The following STIM1 variants were observed in gnomAD, a reference collection of about 807,000 sequenced individuals.
STIM1 encodes stromal interaction molecule 1.
A neutral mutation model predicts 74.7 loss-of-function variants in STIM1; 25 were observed. The observed-to-expected ratio is 0.33, with a 90% CI of 0.24 to 0.47. The LOEUF (loss-of-function observed/expected upper bound fraction) is 0.47. Ranked by LOEUF, STIM1 falls within the 20% of genes least tolerant of loss-of-function variation. The pLI is 1.00. For missense variants in STIM1, 728 were observed against 920.8 expected (o/e 0.79, Z 2.71); for synonymous variants, 328 against 348.8 (o/e 0.94, Z 0.66).
At chr11:4,034,557 CTT>C (rs1340753646) in intron 3 of STIM1, among the ~76,000 whole-genome samples, 23 of 152,006 alleles carry the variant, frequency 1.5e-4, no homozygotes, top group Non-Finnish European at 2.6e-4. Context: ...ATTTTTATGT[CTT>C]TGTTCATGAA....
intron 2 of STIM1, among the ~76,000 whole-genome samples, chr11:4,007,406 TGTGGGACA>T (rs1316481313): frequency 2.0e-5 from 3 of 152,238 alleles, no homozygotes; most frequent in Non-Finnish European, 4.4e-5. Context: ...ATTAGCTGGA[TGTGGGACA>T]GTGTTCAAAG....
intron 1 of STIM1, among the ~76,000 whole-genome samples, chr11:3,934,019 C>G (rs996576336): frequency 3.3e-5 from 5 of 152,156 alleles, no homozygotes; most frequent in African/African-American, 1.2e-4. Context: ...ATTCTCTTTT[C>G]TCTCTTTCCC....
At chr11:3,892,635 C>T in intron 1 of STIM1, 1 of 1,607,430 alleles carries the variant, frequency 6.2e-7, no homozygotes, top group Non-Finnish European at 8.5e-7. Flanking sequence ...AAGTTCTCAT[C>T]ATCAAATTTC....
chr11:4,048,406 A>ATTTTTTTTATTTATTTTTTTT (rs2094210971), intron 3 of STIM1, among the ~76,000 whole-genome samples: 1 of 152,246 alleles, frequency 6.6e-6, no homozygotes, highest in Non-Finnish European at 1.5e-5. Flanking sequence ...AAACAGATTT[A>ATTTTTTTTATTTATTTTTTTT]TACTTTAAGT....
chr11:3,877,468 A>G (rs919495108), intron 1 of STIM1, among the ~76,000 whole-genome samples: 1 of 152,122 alleles, frequency 6.6e-6, no homozygotes, highest in East Asian at 1.9e-4. Context: ...GCTGATTTGC[A>G]TGGGCTTTTG....
chr11:4,034,297 G>A (rs1033306342), intron 3 of STIM1, among the ~76,000 whole-genome samples: 1 of 151,884 alleles, frequency 6.6e-6, no homozygotes, highest in Non-Finnish European at 1.5e-5. Flanking sequence ...TGGGTTTTTT[G>A]TAGTGCCTCT....
rs536528954 is a variant in STIM1 at position 4,070,150 on chromosome 11, G to C, written c.738G>C (p.Lys246Asn). 6.2e-7 allele frequency: 1 copy of C among 1,614,100 alleles called. No individual in the cohort carries two copies. The highest frequency in any genetic ancestry group is 8.5e-7 in the Non-Finnish European group (1 of 1,180,016). The change falls in exon 6 of 13, where the codon AAG becomes AAC. Residue 246 changes from lysine (K) to asparagine (N), a missense_variant. Coordinates refer to ENST00000526596, the MANE Select transcript of STIM1 (RefSeq NM_001382567.1). ...AGGAGCACATGAAGAAGATGATGAAGGACTTGGAGGGGTTACACCGAGCTG... is the reference window on the plus strand; with the variant it reads ...AGGAGCACATGAAGAAGATGATGAACGACTTGGAGGGGTTACACCGAGCTG... ...YSKEHMKKMMKDLEGLHRAEQ... is the reference protein window; with the variant it reads ...YSKEHMKKMMNDLEGLHRAEQ...
At chr11:4,063,375 A>G (rs1489056635) in intron 5 of STIM1, among the ~76,000 whole-genome samples, 1 of 152,160 alleles carries the variant, frequency 6.6e-6, no homozygotes, top group Non-Finnish European at 1.5e-5. Flanking sequence ...TACAAGTTGA[A>G]GGTTTGTGGC....
intron 1 of STIM1, among the ~76,000 whole-genome samples, chr11:3,919,635 T>G (rs2092693355): frequency 6.6e-6 from 1 of 152,156 alleles, no homozygotes; most frequent in Admixed American, 6.6e-5. Context: ...ATCCTAAGCA[T>G]TTGGCAGGGG....
chr11:4,023,190 C>T (rs570037424), intron 2 of STIM1, among the ~76,000 whole-genome samples: 2 of 151,894 alleles, frequency 1.3e-5, no homozygotes, highest in African/African-American at 2.4e-5. Context: ...TTAGCTGGGT[C>T]GGGTGGCACA....
chr11:3,967,761 C>A lies in STIM1; in HGVS notation c.270+79C>A, dbSNP rs58151848. On this transcript the variant is annotated intron_variant, in intron 2 of 12. Coordinates refer to ENST00000526596, the MANE Select transcript of STIM1 (RefSeq NM_001382567.1). The stretch of plus-strand genomic sequence containing the variant: ...TTGAAAGCTACTTAGACAGCCTCTT[C>A]CCTGGGGAGAGATGTTCTCTGCTGG... 0.01 allele frequency: 16,589 copies of A among 1,593,896 alleles called. 892 individuals are homozygous for A. The African/African-American group carries it at 0.15, about 14-fold the overall frequency.
At chr11:4,088,161 C>A (rs1196294158) in intron 12 of STIM1, among the ~76,000 whole-genome samples, 1 of 152,160 alleles carries the variant, frequency 6.6e-6, no homozygotes, top group African/African-American at 2.4e-5. Flanking sequence ...GCTGCAGAGA[C>A]TATTCTTGCT....
At chr11:4,088,657 A>G in intron 12 of STIM1, 1 of 1,528,608 alleles carries the variant, frequency 6.5e-7, no homozygotes, top group Non-Finnish European at 8.8e-7. Flanking sequence ...ACCTGTATCC[A>G]CCTGGCCTGT....
intron 2 of STIM1, among the ~76,000 whole-genome samples, chr11:4,006,118 G>A (rs966480873): frequency 1.3e-5 from 2 of 152,170 alleles, no homozygotes; most frequent in Non-Finnish European, 2.9e-5. Context: ...GATTATCGGG[G>A]TGATGTTCTC....
chr11:4,059,244 T>C (rs754796063), intron 4 of STIM1, 37 bp from the exon 5 acceptor site: 6 of 1,568,114 alleles, frequency 3.8e-6, no homozygotes, highest in African/African-American at 1.4e-5. Flanking sequence ...CTGGCTTTAC[T>C]GGGAGGGAAC....
In STIM1 at chr11:3,876,465, G is replaced by A. The variant is rs2091310254; in HGVS notation, c.139+20056G>A. Among the ~76,000 whole-genome samples, 8 of 152,308 alleles carry A rather than the reference G, an allele frequency of 5.3e-5. 1 individual carries two copies. The South Asian group carries it at 1.7e-3, about 32-fold the overall frequency. ...CTGTTACTCCAGCTAGAGTGCTATG[G>A]TATGATCGTGGTTCACTGCAACCTT... On this transcript the variant is annotated intron_variant, in intron 1 of 12. Transcript: ENST00000526596.
intron 1 of STIM1, among the ~76,000 whole-genome samples, chr11:3,934,776 A>T (rs745819043): frequency 6.6e-6 from 1 of 152,218 alleles, no homozygotes; most frequent in Non-Finnish European, 1.5e-5. Flanking sequence ...CCCTTCAAAC[A>T]TGCAGTGCAG....
At chr11:3,879,712 C>G (rs373498062) in intron 1 of STIM1, among the ~76,000 whole-genome samples, 1 of 152,318 alleles carries the variant, frequency 6.6e-6, no homozygotes. Context: ...CTCAGGTTTA[C>G]TAATTTCTGG....
rs1272480822 is a variant in STIM1 at position 4,086,461 on chromosome 11, T to G, written c.1568-16T>G. ...TGGGCTGGCCCCTCCTGACACTTTC[T>G]TTATTCTCCTTGCAGCCCCTAGCCT... is the stretch of plus-strand genomic sequence containing the variant. On this transcript the variant is annotated splice_polypyrimidine_tract_variant and intron_variant, in intron 11 of 12. Coordinates refer to ENST00000526596, the MANE Select transcript of STIM1 (RefSeq NM_001382567.1). 1 of 1,613,586 alleles carries G rather than the reference T, an allele frequency of 6.2e-7. No individual in the cohort carries two copies. The highest frequency in any genetic ancestry group is 1.7e-5 in the Admixed American group (1 of 59,988).
Sources: allele counts gnomAD v4.1 joint callset (sites outside exome capture counted in the v4.1 genomes callset), GRCh38; gene constraint gnomAD v4.1.1; transcripts MANE v1.5; gene names NCBI Gene and HGNC (gene_info 2026-07-23, HGNC 2026-07-21).